The following DOCK3 variants were observed in gnomAD, a reference collection of about 807,000 sequenced individuals.
DOCK3 encodes dedicator of cytokinesis protein 3.
DOCK3 carries 60 observed loss-of-function variants against 265.6 expected under a neutral mutation model. The observed-to-expected ratio is 0.23, with a 90% CI of 0.18 to 0.28. The LOEUF is 0.28. Among genes scored for constraint, DOCK3 ranks in the 10% least tolerant of loss-of-function variants. The pLI, the probability that DOCK3 is intolerant of heterozygous loss-of-function variation, is 1.00. For synonymous variants in DOCK3, 881 were observed against 938.0 expected, an observed-to-expected ratio of 0.94 and a Z score of 1.11; for missense variants, 1,981 against 2,594.3, an observed-to-expected ratio of 0.76 and a Z score of 5.14.
chr3:50,720,367 C>A (rs1387153901), intron 1 of DOCK3, among the ~76,000 whole-genome samples: 1 of 152,170 alleles, frequency 6.6e-6, no homozygotes, highest in East Asian at 1.9e-4. Flanking sequence ...TTAGCTCCCA[C>A]TCATAAGTGA....
chr3:50,761,170 TTTA>T (rs1244595638), intron 1 of DOCK3, among the ~76,000 whole-genome samples: 2 of 152,148 alleles, frequency 1.3e-5, no homozygotes, highest in Non-Finnish European at 2.9e-5. Flanking sequence ...AGCTTTTACT[TTTA>T]TTATTTTTTA....
intron 14 of DOCK3, among the ~76,000 whole-genome samples, chr3:51,215,442 T>C (rs2089727903): frequency 1.3e-5 from 2 of 152,192 alleles, no homozygotes; most frequent in Non-Finnish European, 2.9e-5. Flanking sequence ...CAGTTGAGTT[T>C]TAATGCTTTG....
At chr3:50,715,594 T>C (rs1326094125) in intron 1 of DOCK3, among the ~76,000 whole-genome samples, 1 of 151,850 alleles carries the variant, frequency 6.6e-6, no homozygotes, top group Non-Finnish European at 1.5e-5. Flanking sequence ...TTCAGGATAT[T>C]GGAGTGAGAA....
intron 3 of DOCK3, among the ~76,000 whole-genome samples, chr3:50,884,898 A>G (rs748655462): frequency 1.4e-4 from 22 of 152,116 alleles, no homozygotes; most frequent in Non-Finnish European, 2.9e-4. Flanking sequence ...CACTATTAAT[A>G]TTATTTGTTA....
chr3:51,190,949 G>A (rs149581040), intron 12 of DOCK3, among the ~76,000 whole-genome samples: 18 of 152,284 alleles, frequency 1.2e-4, no homozygotes, highest in Non-Finnish European at 2.2e-4. Flanking sequence ...CATGGAGGAA[G>A]GTCACTGCCT....
intron 27 of DOCK3, among the ~76,000 whole-genome samples, chr3:51,285,275 A>G (rs2081345246): frequency 6.6e-6 from 1 of 152,150 alleles, no homozygotes; most frequent in Non-Finnish European, 1.5e-5. Flanking sequence ...GCAGAAATGA[A>G]CCACAGAGCA....
At position 50,973,049 on chromosome 3, in the gene DOCK3, C is replaced by CTTTTTTTTTTTTTT. The variant is rs71858027; in HGVS notation, c.315+38983_315+38996dup. 3.2e-4 allele frequency among the ~76,000 whole-genome samples: 6 copies of CTTTTTTTTTTTTTT among 19,022 alleles called. 2 individuals carry two copies. Among genetic ancestry groups the CTTTTTTTTTTTTTT allele is most frequent in the Admixed American group, 2.3e-3 (2 of 862 alleles). The allele number at this position is 19,022 out of a possible 152,430, so 12.5% of individuals were successfully genotyped here. On this transcript the variant is annotated intron_variant, in intron 5 of 52. Transcript: ENST00000266037. ...ACAATCCGTGGCATTCAGTGTGTTT[C>CTTTTTTTTTTTTTT]TTTTTTTTTTTTTTTTTTTTTTTTG...
chr3:51,069,961 C>T (rs180972801), intron 6 of DOCK3, among the ~76,000 whole-genome samples: 95 of 152,278 alleles, frequency 6.2e-4, no homozygotes, highest in Non-Finnish European at 1.3e-3. Flanking sequence ...CGGTTCTTCC[C>T]GTACCTGGTG....
intron 27 of DOCK3, among the ~76,000 whole-genome samples, chr3:51,301,859 T>C (rs1433274454): frequency 6.6e-6 from 1 of 152,212 alleles, no homozygotes; most frequent in Non-Finnish European, 1.5e-5. Context: ...AATTATGTTA[T>C]CAATTTTAGA....
At chr3:51,195,692 A>G (rs2088249534) in intron 12 of DOCK3, among the ~76,000 whole-genome samples, 1 of 152,116 alleles carries the variant, frequency 6.6e-6, no homozygotes, top group African/African-American at 2.4e-5. Context: ...TTCTGGGATT[A>G]CAGGCCTGAG....
At chr3:50,905,062 A>T (rs1275452412) in intron 4 of DOCK3, among the ~76,000 whole-genome samples, 1 of 152,122 alleles carries the variant, frequency 6.6e-6, no homozygotes, top group Non-Finnish European at 1.5e-5. Context: ...GTCAAAGATC[A>T]GATGGTTGTA....
Position 51,355,038 on chromosome 3 carries a change from T to G in DOCK3, c.4249+15T>G. 1 of 1,611,524 alleles carries G rather than the reference T, an allele frequency of 6.2e-7. No individual in the cohort carries two copies. Among genetic ancestry groups the G allele is most frequent in the Non-Finnish European group, 8.5e-7 (1 of 1,178,432 alleles). On this transcript the variant is annotated intron_variant, in intron 41 of 52. Transcript: ENST00000266037. Reference sequence around the variant, plus strand: ...CGATGCCCAGTGTATCCTTTGATACTGGGTGGGAGGAGGAGGGCAGGGGCC... The same window carrying G: ...CGATGCCCAGTGTATCCTTTGATACGGGGTGGGAGGAGGAGGGCAGGGGCC...
intron 27 of DOCK3, among the ~76,000 whole-genome samples, chr3:51,288,332 C>T (rs544726008): frequency 6.8e-6 from 1 of 147,144 alleles, no homozygotes; most frequent in Non-Finnish European, 1.5e-5. Context: ...GCAGAGGTTG[C>T]AGTGAGCCAA....
intron 4 of DOCK3, among the ~76,000 whole-genome samples, chr3:50,912,842 A>G (rs933543173): frequency 1.3e-5 from 2 of 151,958 alleles, no homozygotes; most frequent in African/African-American, 4.8e-5. Flanking sequence ...CTCACCCTTC[A>G]GGGCAGTGGC....
rs140130205 is a variant in DOCK3, at chr3:51,131,049, C to T, written c.747-15500C>T. Among the ~76,000 whole-genome samples, 824 of 152,246 alleles carry T rather than the reference C, an allele frequency of 5.4e-3. 3 individuals are homozygous for T. The highest frequency in any genetic ancestry group is 0.01 in the Middle Eastern group (3 of 294). ...TTACTATTTGTCTAGGTAGAGGCCA[C>T]GCTAATGGCTTCCATCTGGCCTTTC... On this transcript the variant is annotated intron_variant, in intron 9 of 52. Transcript: ENST00000266037.
At position 50,698,474 on chromosome 3, in the gene DOCK3, A is replaced by G. The variant is rs531270582; in HGVS notation, c.37+23174A>G. On this transcript the variant is annotated intron_variant, in intron 1 of 52. Transcript: ENST00000266037. ...TTTCATCGTTATGAATAATTATGCT[A>G]TGGACATTCATGTACAAGTTTCTCT... Among the ~76,000 whole-genome samples, 82 of 107,994 alleles carry G rather than the reference A, an allele frequency of 7.6e-4. 1 individual carries two copies. The highest frequency in any genetic ancestry group is 2.4e-3 in the Admixed American group (26 of 10,622). The allele number at this position is 107,994 out of a possible 152,430, so 70.8% of individuals were successfully genotyped here.
chr3:50,788,109 A>T (rs2042280267), intron 2 of DOCK3: 2 of 756,090 alleles, frequency 2.6e-6, no homozygotes, highest in Admixed American at 2.5e-5. Context: ...ACAAACACAG[A>T]ATAAGGACTT....
intron 2 of DOCK3, among the ~76,000 whole-genome samples, chr3:50,812,604 C>T (rs1367274266): frequency 2.6e-5 from 4 of 152,204 alleles, no homozygotes; most frequent in Non-Finnish European, 5.9e-5. Context: ...AGTGTTCCAG[C>T]TCAAAGAGAA....
intron 3 of DOCK3, among the ~76,000 whole-genome samples, chr3:50,846,622 ATCTG>A (rs2107322864): frequency 6.6e-6 from 1 of 152,230 alleles, no homozygotes; most frequent in South Asian, 2.1e-4. Context: ...TTGGCTGTGA[ATCTG>A]TCTGGTCCAG....
Sources: allele counts gnomAD v4.1 joint callset (sites outside exome capture counted in the v4.1 genomes callset), GRCh38; gene constraint gnomAD v4.1.1; transcripts MANE v1.5; gene names NCBI Gene and HGNC (gene_info 2026-07-23, HGNC 2026-07-21).